The following ADARB2 variants were observed in gnomAD, a reference collection of about 807,000 sequenced individuals.
The protein encoded by ADARB2 is adenosine deaminase RNA specific B2 (inactive), also known as inactive double-stranded RNA-specific editase B2.
In ADARB2, 25 loss-of-function variants were observed where a neutral mutation model predicts 62.2. The ratio of observed to expected loss-of-function variants is 0.40; its 90% CI spans 0.29 to 0.56. The LOEUF is 0.56. Ranked by LOEUF, ADARB2 falls within the 20% of genes least tolerant of loss-of-function variation. The pLI is 0.43. For missense variants in ADARB2, 1,071 were observed against 1,077.4 expected (o/e 0.99, Z 0.08); for synonymous variants, 572 against 500.8 (o/e 1.14, Z -1.90).
intron 1 of ADARB2, among the ~76,000 whole-genome samples, chr10:1,673,314 ATGTGTGTGTG>A (rs66687699): frequency 3.9e-4 from 59 of 149,700 alleles, no homozygotes; most frequent in Non-Finnish European, 6.7e-4. Flanking sequence ...ATTTCATTTT[ATGTGTGTGTG>A]TGTGTGTGTG....
chr10:1,314,836 G>A (rs1057019971), intron 3 of ADARB2, among the ~76,000 whole-genome samples: 2 of 152,198 alleles, frequency 1.3e-5, no homozygotes, highest in Non-Finnish European at 2.9e-5. Context: ...CACCTGGGCT[G>A]CTCTGAACAC....
At chr10:1,685,263 A>G (rs1182621187) in intron 1 of ADARB2, among the ~76,000 whole-genome samples, 4 of 152,118 alleles carry the variant, frequency 2.6e-5, no homozygotes, top group African/African-American at 9.7e-5. Flanking sequence ...ATAGAGACAG[A>G]GAAAGAAGGA....
rs527885623 is a variant in ADARB2 at position 1,322,039 on chromosome 10, T to C, written c.1077+40989A>G. Reference sequence around the variant, plus strand: ...TTCCATCCTGCCTCCTCCTCCCTCCTCTGACCACCCAGCCCTGGACTCAGG... The same window carrying C: ...TTCCATCCTGCCTCCTCCTCCCTCCCCTGACCACCCAGCCCTGGACTCAGG... On this transcript the variant is annotated intron_variant, in intron 3 of 9. Coordinates refer to ENST00000381312, the MANE Select transcript of ADARB2 (RefSeq NM_018702.4). 1.2e-3 allele frequency among the ~76,000 whole-genome samples: 189 copies of C among 152,148 alleles called. 1 individual carries two copies. Among genetic ancestry groups the C allele is most frequent in the African/African-American group, 4.3e-3 (180 of 41,510 alleles).
At position 1,477,577 on chromosome 10, in the gene ADARB2, G is replaced by A. The variant is rs1831418720; in HGVS notation, c.101-98417C>T. ...TTTACCACCCGTGACACCAGCCCCA[G>A]CCATTGCACCCACAACAACACGGTG... On this transcript the variant is annotated intron_variant, in intron 1 of 9. Transcript: ENST00000381312. The surrounding 1 kb of genome is among the most constrained non-coding windows in gnomAD (Gnocchi z 4.5). Among the ~76,000 whole-genome samples, 1 of 152,088 alleles carries A rather than the reference G, an allele frequency of 6.6e-6. No individual in the cohort carries two copies. The highest frequency in any genetic ancestry group is 1.5e-5 in the Non-Finnish European group (1 of 68,008).
At chr10:1,553,636 T>G (rs940394398) in intron 1 of ADARB2, among the ~76,000 whole-genome samples, 3 of 152,132 alleles carry the variant, frequency 2.0e-5, no homozygotes, top group African/African-American at 7.2e-5. Context: ...TTCTTCTCTG[T>G]TTGATTTCCA....
At position 1,183,212 on chromosome 10, in the gene ADARB2, T is replaced by A. The variant is rs1836704133; in HGVS notation, c.2201A>T (p.Gln734Leu). The A allele has an allele frequency of 1.2e-6, 2 of 1,613,424 alleles. No homozygotes were observed. The highest frequency in any genetic ancestry group is 1.7e-6 in the Non-Finnish European group (2 of 1,179,984). ...TWVRKPPEQQ[Q>L]FLLTL is the part of the protein sequence containing the mutation. ...CGCAGCCTAGAGAGTCAGTAGAAAC[T>A]GCTGCTGCTCCGGTGGTTTCCTCAC... Residue 734 changes from glutamine to leucine, a missense_variant, in exon 10 of 10, where the codon CAG (glutamine) becomes CTG (leucine). Physicochemically the swap from Gln to Leu is moderately radical, Grantham distance 113. Coordinates refer to ENST00000381312, the MANE Select transcript of ADARB2 (RefSeq NM_018702.4).
intron 4 of ADARB2, among the ~76,000 whole-genome samples, chr10:1,257,841 T>C (rs1461031843): frequency 6.6e-6 from 1 of 152,162 alleles, no homozygotes; most frequent in Non-Finnish European, 1.5e-5. Context: ...TGGACACATC[T>C]TGAAAATTTA....
intron 1 of ADARB2, among the ~76,000 whole-genome samples, chr10:1,400,569 T>C (rs1399507062): frequency 6.6e-6 from 1 of 152,084 alleles, no homozygotes; most frequent in Admixed American, 6.5e-5. Flanking sequence ...TAATTTAGTT[T>C]CAGGAGTGTT....
At chr10:1,263,289 A>G (rs1809238863) in intron 4 of ADARB2, among the ~76,000 whole-genome samples, 1 of 152,214 alleles carries the variant, frequency 6.6e-6, no homozygotes, top group Non-Finnish European at 1.5e-5. Context: ...AATAATAGTA[A>G]TAATAAAGAA....
At chr10:1,682,999 G>A (rs2119118621) in intron 1 of ADARB2, among the ~76,000 whole-genome samples, 1 of 152,258 alleles carries the variant, frequency 6.6e-6, no homozygotes, top group East Asian at 1.9e-4. Context: ...AGAAGCACGT[G>A]GTTATCGAAC....
chr10:1,724,678 A>T (rs1255869863), intron 1 of ADARB2, among the ~76,000 whole-genome samples: 1 of 152,238 alleles, frequency 6.6e-6, no homozygotes, highest in African/African-American at 2.4e-5. Context: ...CCATAGAGCA[A>T]TAAAAGAAGA....
chr10:1,519,651 T>A lies in ADARB2; in HGVS notation c.101-140491A>T, dbSNP rs140579934. Among the ~76,000 whole-genome samples, 455 of 152,314 alleles carry A rather than the reference T, an allele frequency of 3.0e-3. 2 individuals are homozygous for A. The highest frequency in any genetic ancestry group is 4.4e-3 in the Non-Finnish European group (298 of 68,020). ...CCTACCTTTGGGTCCGTTTGACTTC[T>A]CTGTTGCTGTGATGCCCATATTATC... is the stretch of plus-strand genomic sequence containing the variant. On this transcript the variant is annotated intron_variant, in intron 1 of 9. Coordinates refer to ENST00000381312, the MANE Select transcript of ADARB2 (RefSeq NM_018702.4).
intron 1 of ADARB2, among the ~76,000 whole-genome samples, chr10:1,445,282 C>A (rs1051757162): frequency 1.3e-5 from 2 of 151,996 alleles, no homozygotes; most frequent in African/African-American, 4.8e-5. Context: ...ATCCACCCAC[C>A]CACCCATCTA....
intron 3 of ADARB2, among the ~76,000 whole-genome samples, chr10:1,300,997 A>G (rs1831567392): frequency 6.6e-6 from 1 of 152,194 alleles, no homozygotes; most frequent in African/African-American, 2.4e-5. Context: ...TGTCCACTCT[A>G]TTGCCGGACC....
chr10:1,593,583 C>T lies in ADARB2; in HGVS notation c.100+143468G>A, dbSNP rs375450246. On this transcript the variant is annotated intron_variant, in intron 1 of 9. Coordinates refer to ENST00000381312, the MANE Select transcript of ADARB2 (RefSeq NM_018702.4). ...TATGGTCCACTGTACACCATTTCTG[C>T]GAAGTAGTAATAAGTGCGGGCTTAA... 1.9e-4 allele frequency among the ~76,000 whole-genome samples: 29 copies of T among 152,306 alleles called. 1 individual carries two copies. The highest frequency in any genetic ancestry group is 9.6e-4 in the East Asian group (5 of 5,192).
At position 1,695,673 on chromosome 10, in the gene ADARB2, G is replaced by A. The variant is rs187688390; in HGVS notation, c.100+41378C>T. Among the ~76,000 whole-genome samples, 52 of 152,222 alleles carry A rather than the reference G, an allele frequency of 3.4e-4. No individual in the cohort carries two copies. The East Asian group carries it at 4.8e-3, about 14-fold the overall frequency. ...CATGCATGCGAGAGCGTATGTGCAT[G>A]TATGCAAGAAACATGAATGTGTGTG... On this transcript the variant is annotated intron_variant, in intron 1 of 9. Transcript: ENST00000381312.
At chr10:1,289,936 G>GGCACAT (rs1831449976) in intron 3 of ADARB2, 1 of 152,082 alleles carries the variant, frequency 6.6e-6, no homozygotes, top group Admixed American at 6.5e-5. Flanking sequence ...GGCATACATA[G>GGCACAT]GCACATACAC....
At chr10:1,680,349 G>A (rs1834520948) in intron 1 of ADARB2, among the ~76,000 whole-genome samples, 1 of 151,812 alleles carries the variant, frequency 6.6e-6, no homozygotes. Flanking sequence ...AATAACCTTT[G>A]GGTCCTCCCT....
rs140730587 is a variant in ADARB2 at position 1,359,238 on chromosome 10, C to T, written c.1077+3790G>A. Among the ~76,000 whole-genome samples the T allele has an allele frequency of 5.7e-3, 869 of 152,262 alleles. 10 individuals carry two copies. Among genetic ancestry groups the T allele is most frequent in the African/African-American group, 0.019 (804 of 41,540 alleles). On this transcript the variant is annotated intron_variant, in intron 3 of 9. Coordinates refer to ENST00000381312, the MANE Select transcript of ADARB2 (RefSeq NM_018702.4). ...CAGGTGCACCTGAGCAGGCACTGCC[C>T]CTATCAGCTGATACTCATGGAGAGG...
Sources: gnomAD v4.1 joint callset for allele counts (sites outside exome capture counted in the v4.1 genomes callset) on GRCh38, gnomAD v4.1.1 for gene constraint, Gnocchi (gnomAD v3.1) non-coding constraint, MANE v1.5 for transcripts, NCBI Gene and HGNC (gene_info 2026-07-23, HGNC 2026-07-21) for gene names.